Variants in SIAH3 observed in about 807,000 individuals in gnomAD.
SIAH3 encodes siah E3 ubiquitin protein ligase family member 3.
SIAH3 carries 9 observed loss-of-function variants against 12.6 expected under a neutral mutation model. The ratio of observed to expected loss-of-function variants is 0.72; its 90% CI spans 0.43 to 1.25. The LOEUF is 1.25. Among genes scored for constraint, SIAH3 ranks in the 50% most tolerant of loss-of-function variants. SIAH3 has a pLI of 0.00. For missense variants in SIAH3, 390 were observed against 365.4 expected, an observed-to-expected ratio of 1.07 and a Z score of -0.55; for synonymous variants, 154 against 151.1, an observed-to-expected ratio of 1.02 and a Z score of -0.14.
intron 1 of SIAH3, among the ~76,000 whole-genome samples, chr13:45,850,879 C>A (rs552338900): frequency 1.1e-4 from 17 of 150,896 alleles, no homozygotes; most frequent in Non-Finnish European, 2.4e-4. Flanking sequence ...CAGAGCGCAT[C>A]TAACCAGCAG....
intron 1 of SIAH3, among the ~76,000 whole-genome samples, chr13:45,822,411 T>C (rs1297717321): frequency 6.6e-6 from 1 of 151,492 alleles, no homozygotes; most frequent in Non-Finnish European, 1.5e-5. Context: ...ACTTTTAAGA[T>C]CATTAAACTG....
intron 1 of SIAH3, among the ~76,000 whole-genome samples, chr13:45,835,517 T>C (rs1231158914): frequency 1.3e-5 from 2 of 152,178 alleles, no homozygotes; most frequent in Admixed American, 1.3e-4. Context: ...ACTCATTTAG[T>C]CCTCAGAACA....
intron 1 of SIAH3, among the ~76,000 whole-genome samples, chr13:45,844,086 T>G (rs1221747071): frequency 6.6e-6 from 1 of 152,256 alleles, no homozygotes; most frequent in African/African-American, 2.4e-5. Context: ...TAGGCAGAAC[T>G]ATTACCTTGT....
chr13:45,800,086 A>G (rs767702445), intron 1 of SIAH3, among the ~76,000 whole-genome samples: 3 of 152,364 alleles, frequency 2.0e-5, no homozygotes, highest in Admixed American at 1.3e-4. Context: ...TATTTAGAAT[A>G]GCCTGCATAG....
chr13:45,794,226 G>A (rs1382854112), intron 1 of SIAH3, among the ~76,000 whole-genome samples: 1 of 152,176 alleles, frequency 6.6e-6, no homozygotes, highest in East Asian at 1.9e-4. Context: ...CTGAGTAGCT[G>A]GGACTACAGG....
chr13:45,826,303 T>C (rs957441839), intron 1 of SIAH3, among the ~76,000 whole-genome samples: 7 of 151,902 alleles, frequency 4.6e-5, no homozygotes, highest in African/African-American at 1.7e-4. Context: ...TGGCATATAG[T>C]AGGTGCTAAA....
At chr13:45,825,997 T>C (rs1010521076) in intron 1 of SIAH3, among the ~76,000 whole-genome samples, 6 of 152,190 alleles carry the variant, frequency 3.9e-5, no homozygotes, top group Middle Eastern at 3.2e-3. Context: ...CTTTGTTTCC[T>C]GGTTTCTCCT....
chr13:45,826,405 A>G lies in SIAH3; in HGVS notation c.135+25090T>C, dbSNP rs61255353. Among the ~76,000 whole-genome samples the G allele has an allele frequency of 2.3e-5, 2 of 88,104 alleles. 1 individual carries two copies. Among genetic ancestry groups the G allele is most frequent in the African/African-American group, 9.2e-5 (2 of 21,806 alleles). 57.8% of individuals were successfully genotyped at this position (88,104 alleles called of 152,430 possible). ...AATGGATGGATGGATGGATGGATGG[A>G]TGGATGGATGGATGGATGGATGGAT... On this transcript the variant is annotated intron_variant, in intron 1 of 1. Coordinates refer to ENST00000400405, the MANE Select transcript of SIAH3 (RefSeq NM_198849.3).
chr13:45,806,235 G>A (rs112279417), intron 1 of SIAH3, among the ~76,000 whole-genome samples: 103 of 152,136 alleles, frequency 6.8e-4, no homozygotes, highest in African/African-American at 2.4e-3. Context: ...CAAAGGAAAA[G>A]ACATTGTTCT....
chr13:45,843,093 G>A (rs187083843), intron 1 of SIAH3, among the ~76,000 whole-genome samples: 14 of 139,400 alleles, frequency 1.0e-4, no homozygotes, highest in Admixed American at 9.8e-4. Flanking sequence ...GGCAACTCAG[G>A]CCTAGGGCTT....
At chr13:45,793,760 A>G (rs1033168768) in intron 1 of SIAH3, among the ~76,000 whole-genome samples, 2 of 152,240 alleles carry the variant, frequency 1.3e-5, no homozygotes, top group Non-Finnish European at 2.9e-5. Flanking sequence ...ATGATAGGTT[A>G]GAAGACTGCC....
rs912953698 is a variant in SIAH3, at chr13:45,786,166, C to T, written c.136-2109G>A. On this transcript the variant is annotated intron_variant, in intron 1 of 1. Coordinates refer to ENST00000400405, the MANE Select transcript of SIAH3 (RefSeq NM_198849.3). ...TCATGCAGGAAGCCCAGGGCCCACACCTTCCATCAGCCAGGGTCAGGACCC... is the reference window on the plus strand; with the variant it reads ...TCATGCAGGAAGCCCAGGGCCCACATCTTCCATCAGCCAGGGTCAGGACCC... Among the ~76,000 whole-genome samples, 3 of 152,118 alleles carry T rather than the reference C, an allele frequency of 2.0e-5. No homozygotes were observed. The South Asian group carries it at 6.2e-4, about 32-fold the overall frequency.
chr13:45,826,473 A>T (rs61179983), intron 1 of SIAH3, among the ~76,000 whole-genome samples: 1 of 88,536 alleles, frequency 1.1e-5, no homozygotes, highest in Admixed American at 1.5e-4. Context: ...GGATGGATGG[A>T]TGGATGGATG....
At chr13:45,846,906 C>T (rs1245297790) in intron 1 of SIAH3, among the ~76,000 whole-genome samples, 1 of 152,230 alleles carries the variant, frequency 6.6e-6, no homozygotes, top group African/African-American at 2.4e-5. Context: ...TTTGCAATCA[C>T]CATTAACCAG....
rs778619751 is a variant in SIAH3, at chr13:45,851,661, G to A, written c.-32C>T. 1 of 1,613,782 alleles carries A rather than the reference G, an allele frequency of 6.2e-7. No homozygotes were observed. ...TTTTGGGGGGTTGTTGGTCCGGGAAGGCAGCGGAGGAAGCTGTGAGTCCTT... is the reference window on the plus strand; with the variant it reads ...TTTTGGGGGGTTGTTGGTCCGGGAAAGCAGCGGAGGAAGCTGTGAGTCCTT... On this transcript the variant is annotated 5_prime_UTR_variant, in exon 1 of 2. Transcript: ENST00000400405.
At chr13:45,820,774 C>T (rs1362618657) in intron 1 of SIAH3, among the ~76,000 whole-genome samples, 2 of 152,160 alleles carry the variant, frequency 1.3e-5, no homozygotes, top group Non-Finnish European at 2.9e-5. Context: ...GGTTCTGGGG[C>T]CCTCAGAACT....
intron 1 of SIAH3, among the ~76,000 whole-genome samples, chr13:45,842,084 T>A (rs1950742119): frequency 6.6e-6 from 1 of 152,202 alleles, no homozygotes; most frequent in Admixed American, 6.5e-5. Flanking sequence ...AGGACATTAT[T>A]CTGGCTCTCA....
At chr13:45,831,063 C>T (rs1950696943) in intron 1 of SIAH3, among the ~76,000 whole-genome samples, 1 of 151,970 alleles carries the variant, frequency 6.6e-6, no homozygotes, top group African/African-American at 2.4e-5. Flanking sequence ...TCTGTAGTCC[C>T]AGCTACTTGA....
In SIAH3 at chr13:45,779,527, T is replaced by C. The variant is rs1950496014; in HGVS notation, c.*3856A>G. 1 of 152,178 alleles carries C rather than the reference T, an allele frequency of 6.6e-6. No individual in the cohort carries two copies. The highest frequency in any genetic ancestry group is 1.5e-5 in the Non-Finnish European group (1 of 68,028). The allele number at this position is 152,178 out of a possible 1,614,324, so 9.4% of individuals were successfully genotyped here. A position where few individuals can be genotyped will look rare whatever the true frequency, so the allele number is the denominator to read the frequency against. On this transcript the variant is annotated 3_prime_UTR_variant, in exon 2 of 2. Coordinates refer to ENST00000400405, the MANE Select transcript of SIAH3 (RefSeq NM_198849.3). ...GGTCCATATGTTCATAGAAATGACATGGTTGCTGTTGGTCAGAAGCCATAC... is the reference window on the plus strand; with the variant it reads ...GGTCCATATGTTCATAGAAATGACACGGTTGCTGTTGGTCAGAAGCCATAC...
Sources: allele counts gnomAD v4.1 joint callset (sites outside exome capture counted in the v4.1 genomes callset), GRCh38; gene constraint gnomAD v4.1.1; transcripts MANE v1.5; gene names NCBI Gene and HGNC (gene_info 2026-07-23, HGNC 2026-07-21).